The following P2RX4 variants were observed in gnomAD, a reference collection of about 807,000 sequenced individuals.
P2RX4 encodes the protein purinergic receptor P2X 4, also known as P2X purinoceptor 4.
In P2RX4, 37 loss-of-function variants were observed where a neutral mutation model predicts 48.0. That is an observed-to-expected ratio of 0.77 (90% CI 0.59 to 1.01). The LOEUF (loss-of-function observed/expected upper bound fraction) is 1.01, where lower values mean the gene tolerates loss of function less well. P2RX4 is among the 50% of genes least tolerant of loss of function. The pLI, the probability that P2RX4 is intolerant of heterozygous loss-of-function variation, is 0.00. For synonymous variants in P2RX4, 200 were observed against 199.7 expected (o/e 1.00, Z -0.01); for missense variants, 501 against 521.4 (o/e 0.96, Z 0.38).
Position 121,228,767 on chromosome 12 carries a change from G to A in P2RX4, c.648G>A (p.Ser216=), listed in dbSNP as rs372212344. The A allele has an allele frequency of 3.8e-5, 61 of 1,613,910 alleles. No individual in the cohort carries two copies. The highest frequency in any genetic ancestry group is 3.5e-4 in the African/African-American group (26 of 74,860). The change falls in exon 7 of 12, where the codon TCG becomes TCA. Residue 216 remains serine, a synonymous_variant. Transcript: ENST00000337233. ...ACATCACCACTACTTACCTCAAGTC[G>A]TGCATTTATGATGCTAAAACAGATC... ...LPNITTTYLK[S]CIYDAKTDPF... is the part of the protein sequence containing the mutation.
chr12:121,211,010 TAGTAGCGAGGTCAGAC>T (rs1885800415), intron 1 of P2RX4, among the ~76,000 whole-genome samples: 1 of 152,098 alleles, frequency 6.6e-6, no homozygotes, highest in African/African-American at 2.4e-5. Context: ...CACTATGTGG[TAGTAGCGAGGTCAGAC>T]TGTAGCGAGT....
chr12:121,220,771 G>A (rs937345708), intron 2 of P2RX4, among the ~76,000 whole-genome samples: 1 of 152,058 alleles, frequency 6.6e-6, no homozygotes, highest in Non-Finnish European at 1.5e-5. Flanking sequence ...GGGAAGCCTC[G>A]TATGTTACAC....
intron 2 of P2RX4, among the ~76,000 whole-genome samples, chr12:121,219,614 T>TA (rs1449706262): frequency 1.7e-5 from 2 of 119,648 alleles, no homozygotes; most frequent in African/African-American, 3.2e-5. Context: ...GATGGATGGA[T>TA]GGATAGATAG....
intron 4 of P2RX4, 41 bp from the exon 5 acceptor site, chr12:121,222,906 C>G (rs754952700): frequency 2.0e-6 from 3 of 1,501,380 alleles, no homozygotes; most frequent in Non-Finnish European, 2.8e-6. Context: ...ATAGGAGACC[C>G]CTGTGGACAT....
chr12:121,224,200 T>C (rs550705685), intron 5 of P2RX4, among the ~76,000 whole-genome samples: 3 of 152,190 alleles, frequency 2.0e-5, no homozygotes, highest in African/African-American at 4.8e-5. Context: ...TAGGCAAGCA[T>C]TGGGGAGATA....
intron 8 of P2RX4, among the ~76,000 whole-genome samples, chr12:121,230,936 G>GTATA (rs10700307): frequency 0.021 from 3,132 of 146,322 alleles, 118 homozygotes; most frequent in African/African-American, 0.073. Flanking sequence ...GTATATATGT[G>GTATA]TATATATATA....
intron 1 of P2RX4, among the ~76,000 whole-genome samples, chr12:121,210,972 G>C (rs1301518617): frequency 6.6e-6 from 1 of 152,158 alleles, no homozygotes; most frequent in African/African-American, 2.4e-5. Context: ...GTGGCTTTTG[G>C]TCATTTCTTT....
chr12:121,233,582 C>A lies in P2RX4; in HGVS notation c.*33C>A. On this transcript the variant is annotated 3_prime_UTR_variant, in exon 12 of 12. Coordinates refer to ENST00000337233, the MANE Select transcript of P2RX4 (RefSeq NM_002560.3). Reference sequence around the variant, plus strand: ...CCCACACCTGGGCTCTCCACAGCCCCATCAAAGAACAGAGAGGAGGAGGAG... The same window carrying A: ...CCCACACCTGGGCTCTCCACAGCCCAATCAAAGAACAGAGAGGAGGAGGAG... The A allele has an allele frequency of 6.2e-7, 1 of 1,602,706 alleles. No individual in the cohort carries two copies. The highest frequency in any genetic ancestry group is 1.7e-5 in the Admixed American group (1 of 58,404).
intron 1 of P2RX4, among the ~76,000 whole-genome samples, chr12:121,210,701 C>T (rs531466722): frequency 6.6e-6 from 1 of 152,342 alleles, no homozygotes; most frequent in African/African-American, 2.4e-5. Flanking sequence ...ATCGCTTGAG[C>T]CCAAGAGGCT....
chr12:121,214,519 A>C (rs755669127), intron 1 of P2RX4: 11 of 152,202 alleles, frequency 7.2e-5, no homozygotes, highest in Non-Finnish European at 1.3e-4. Flanking sequence ...ATGAGGAGGA[A>C]ATAATCACAT....
In P2RX4 at chr12:121,233,714, GA is replaced by G; in HGVS notation, c.*166del. 6.7e-7 allele frequency: 1 copy of G among 1,483,844 alleles called. No homozygotes were observed. Among genetic ancestry groups the G allele is most frequent in the Non-Finnish European group, 9.0e-7 (1 of 1,110,982 alleles). 91.9% of individuals were successfully genotyped at this position (1,483,844 alleles called of 1,614,324 possible). The stretch of plus-strand genomic sequence containing the variant: ...AGCAGCTCCTGTGTGTTGTGTGCAG[GA>G]TCTGTTTGCCCACTCGGCCCAGGAG... On this transcript the variant is annotated 3_prime_UTR_variant, in exon 12 of 12. Transcript: ENST00000337233.
intron 2 of P2RX4, among the ~76,000 whole-genome samples, chr12:121,217,763 A>T (rs1478958083): frequency 2.9e-5 from 3 of 102,134 alleles, no homozygotes; most frequent in Admixed American, 1.1e-4. Flanking sequence ...CCATCTCTAT[A>T]AAAAAAAAAA....
chr12:121,219,152 T>C (rs911166652), intron 2 of P2RX4, among the ~76,000 whole-genome samples: 4 of 152,168 alleles, frequency 2.6e-5, no homozygotes, highest in African/African-American at 7.2e-5. Flanking sequence ...GTTTGTACAT[T>C]GAACACCTGG....
intron 1 of P2RX4, among the ~76,000 whole-genome samples, chr12:121,211,432 G>T (rs1885839243): frequency 6.6e-6 from 1 of 152,004 alleles, no homozygotes; most frequent in South Asian, 2.1e-4. Flanking sequence ...CAGGTGATCC[G>T]CCCACCTCAG....
At chr12:121,224,659 C>T (rs935113624) in intron 5 of P2RX4, among the ~76,000 whole-genome samples, 1 of 151,506 alleles carries the variant, frequency 6.6e-6, no homozygotes, top group African/African-American at 2.4e-5. Context: ...ACTAAACTAG[C>T]CAGGTTCAAG....
At position 121,229,223 on chromosome 12, in the gene P2RX4, C is replaced by T; in HGVS notation, c.884+124C>T. 8.3e-7 allele frequency: 1 copy of T among 1,206,000 alleles called. No individual in the cohort carries two copies. The highest frequency in any genetic ancestry group is 1.2e-6 in the Non-Finnish European group (1 of 833,896). The allele number at this position is 1,206,000 out of a possible 1,614,324, so 74.7% of individuals were successfully genotyped here. A position where few individuals can be genotyped will look rare whatever the true frequency, so the allele number is the denominator to read the frequency against. ...ACCCCAAGGGCAGGCTGCCGGTCCC[C>T]CGTCCAAGGCGGCGGGAAGGCCATG... On this transcript the variant is annotated intron_variant, in intron 8 of 11. Transcript: ENST00000337233. The surrounding 1 kb of genome is among the most constrained non-coding windows in gnomAD (Gnocchi z 4.6).
Position 121,232,694 on chromosome 12 carries a change from T to C in P2RX4, c.1044+18T>C, listed in dbSNP as rs763328609. 3.7e-6 allele frequency: 6 copies of C among 1,600,314 alleles called. No homozygotes were observed. Among genetic ancestry groups the C allele is most frequent in the Non-Finnish European group, 4.3e-6 (5 of 1,167,628 alleles). On this transcript the variant is annotated intron_variant, in intron 10 of 11. Transcript: ENST00000337233. The surrounding 1 kb of genome is among the most constrained non-coding windows in gnomAD (Gnocchi z 4.3). ...TAGGCATGGTGAGTGGTTTAGGCCC[T>C]GCCTTCACCCTCACGGTGAGGTGAG...
At chr12:121,227,706 T>G (rs115641572) in intron 5 of P2RX4, among the ~76,000 whole-genome samples, 190 of 151,754 alleles carry the variant, frequency 1.3e-3, no homozygotes, top group African/African-American at 4.5e-3. Flanking sequence ...AAGAGAAGAG[T>G]GTGCATGCAG....
intron 8 of P2RX4, among the ~76,000 whole-genome samples, chr12:121,230,713 T>G (rs945691639): frequency 6.6e-6 from 1 of 152,198 alleles, no homozygotes; most frequent in Non-Finnish European, 1.5e-5. Flanking sequence ...CACCAGGCCC[T>G]GCCTGTGTCT....
Sources: allele counts gnomAD v4.1 joint callset (sites outside exome capture counted in the v4.1 genomes callset), GRCh38; gene constraint gnomAD v4.1.1; non-coding constraint Gnocchi (gnomAD v3.1); transcripts MANE v1.5; gene names NCBI Gene and HGNC (gene_info 2026-07-23, HGNC 2026-07-21).